RMP64: variants seen among roughly 807,000 people sequenced by gnomAD.
The protein encoded by RMP64 is nucleolus and neural progenitor protein.
chr3:113,018,359 T>C, the RMP64 span, among the ~76,000 whole-genome samples: 491 of 152,296 alleles, frequency 3.2e-3, 1 homozygote, highest in African/African-American at 0.011. Context: ...AGTTGGTGAA[T>C]TTCCCAGGCC....
chr3:113,008,062 C>T, the RMP64 span: 2 of 930,978 alleles, frequency 2.1e-6, no homozygotes, highest in East Asian at 2.5e-5. Flanking sequence ...CCCAATTTAG[C>T]CCCGCTGCGG....
At chr3:113,006,015 CAGAG>C in the RMP64 span, 14 of 1,575,776 alleles carry the variant, frequency 8.9e-6, no homozygotes, top group South Asian at 4.6e-5. Context: ...CTTTAAAAGA[CAGAG>C]AGAGGAAAAA....
At chr3:113,006,259 T>TA in the RMP64 span, among the ~76,000 whole-genome samples, 1 of 152,288 alleles carries the variant, frequency 6.6e-6, no homozygotes, top group South Asian at 2.1e-4. Context: ...GCCTAGCAAT[T>TA]AGCTGAATGG....
At chr3:113,006,548 A>C in the RMP64 span, among the ~76,000 whole-genome samples, 1 of 152,200 alleles carries the variant, frequency 6.6e-6, no homozygotes, top group Non-Finnish European at 1.5e-5. Context: ...TGTCATCTTC[A>C]AGTTTGGAAA....
the RMP64 span, chr3:113,019,239 TC>T: frequency 4.6e-6 from 2 of 431,382 alleles, no homozygotes; most frequent in Non-Finnish European, 8.3e-6. Context: ...GCAGCACTGT[TC>T]CCCGGCACCA....
the RMP64 span, among the ~76,000 whole-genome samples, chr3:113,015,517 G>A: frequency 2.0e-5 from 3 of 152,120 alleles, no homozygotes; most frequent in Non-Finnish European, 2.9e-5. Context: ...AGCAACTAGA[G>A]ATAGGGAAGT....
the RMP64 span, among the ~76,000 whole-genome samples, chr3:113,017,889 T>C: frequency 6.6e-6 from 1 of 152,216 alleles, no homozygotes; most frequent in Admixed American, 6.5e-5. Flanking sequence ...ATATGAATAC[T>C]TTGCTGTCAG....
chr3:113,019,489 C>G, the RMP64 span: 11 of 1,468,200 alleles, frequency 7.5e-6, no homozygotes, highest in African/African-American at 1.4e-5. Flanking sequence ...CCGGCTGGGC[C>G]TGGCGGCCTC....
At chr3:113,011,140 A>G in the RMP64 span, 5 of 1,613,370 alleles carry the variant, frequency 3.1e-6, no homozygotes, top group African/African-American at 4.0e-5. Flanking sequence ...AATTCCAAGC[A>G]AGGTTTCTTC....
the RMP64 span, chr3:113,011,001 G>C: frequency 6.6e-7 from 1 of 1,508,904 alleles, no homozygotes; most frequent in Non-Finnish European, 8.9e-7. Context: ...CTTTTTATTT[G>C]TTTTTTGTTT....
chr3:113,013,276 A>G, the RMP64 span: 2 of 1,612,952 alleles, frequency 1.2e-6, no homozygotes, highest in Admixed American at 3.4e-5. Context: ...GGATACAGAA[A>G]AGTTTTGCAG....
At chr3:113,019,067 C>A in the RMP64 span, 1 of 170,358 alleles carries the variant, frequency 5.9e-6, no homozygotes, top group Non-Finnish European at 1.3e-5. Context: ...AGGACTAACT[C>A]CATTTCACAG....
the RMP64 span, chr3:113,005,569 G>A: frequency 3.1e-6 from 5 of 1,612,960 alleles, no homozygotes; most frequent in Non-Finnish European, 4.2e-6. Context: ...TATCATCAAT[G>A]TCATCTGTCT....
the RMP64 span, chr3:113,008,478 TG>T: frequency 6.8e-7 from 1 of 1,472,002 alleles, no homozygotes; most frequent in Non-Finnish European, 9.4e-7. Flanking sequence ...GTTACTGACT[TG>T]TAATTATATG....
chr3:113,005,585 A>C, the RMP64 span: 1 of 1,613,784 alleles, frequency 6.2e-7, no homozygotes. Context: ...TGTCTCCTTA[A>C]TGGTTCCTGA....
the RMP64 span, among the ~76,000 whole-genome samples, chr3:113,007,405 C>A: frequency 6.6e-6 from 1 of 151,712 alleles, no homozygotes; most frequent in Non-Finnish European, 1.5e-5. Context: ...ACTTTAAATC[C>A]CTGAATAGCT....
At chr3:113,014,172 G>C in the RMP64 span, 1 of 576,242 alleles carries the variant, frequency 1.7e-6, no homozygotes, top group East Asian at 3.1e-5. Context: ...TTTTTTTTCA[G>C]GGTAGAGAAA....
chr3:113,012,349 C>A, the RMP64 span, among the ~76,000 whole-genome samples: 1 of 152,162 alleles, frequency 6.6e-6, no homozygotes, highest in Non-Finnish European at 1.5e-5. Context: ...CGGCCTGTTG[C>A]AATATGACTA....
the RMP64 span, chr3:113,008,055 A>G: frequency 8.7e-5 from 75 of 861,158 alleles, 1 homozygote; most frequent in Middle Eastern, 1.2e-3. Context: ...AGTACATCCC[A>G]ATTTAGCCCC....
Sources: allele counts gnomAD v4.1 joint callset (sites outside exome capture counted in the v4.1 genomes callset), GRCh38; gene constraint gnomAD v4.1.1; transcripts MANE v1.5; gene names NCBI Gene and HGNC (gene_info 2026-07-23, HGNC 2026-07-21).